Variants in BARD1 observed in about 807,000 individuals in gnomAD.
BARD1 encodes the protein BRCA1 associated RING domain 1.
A neutral mutation model predicts 77.0 loss-of-function variants in BARD1; 73 were observed. The observed-to-expected ratio is 0.95, with a 90% CI of 0.79 to 1.15. BARD1 has a LOEUF of 1.15. Ranked by LOEUF, BARD1 falls within the 50% of genes most tolerant of loss-of-function variation. The pLI, the probability that BARD1 is intolerant of heterozygous loss-of-function variation, is 0.00. For missense variants in BARD1, 993 were observed against 938.8 expected (o/e 1.06, Z -0.75); for synonymous variants, 384 against 338.0 (o/e 1.14, Z -1.49).
chr2:214,729,214 A>G (rs990354027), intron 10 of BARD1, among the ~76,000 whole-genome samples: 5 of 152,238 alleles, frequency 3.3e-5, no homozygotes, highest in Non-Finnish European at 5.9e-5. Context: ...TCAAGCCTAA[A>G]CACAAAATTC....
At chr2:214,733,364 T>A (rs1692440085) in intron 9 of BARD1, among the ~76,000 whole-genome samples, 1 of 152,238 alleles carries the variant, frequency 6.6e-6, no homozygotes, top group Admixed American at 6.5e-5. Context: ...ATACGCTTTA[T>A]ACAGATAAAG....
intron 1 of BARD1, among the ~76,000 whole-genome samples, chr2:214,806,247 C>CA (rs1696263166): frequency 6.6e-6 from 1 of 152,206 alleles, no homozygotes; most frequent in Admixed American, 6.5e-5. Context: ...ATGTGCAACA[C>CA]AAGGCAGATG....
chr2:214,761,631 T>A (rs1175132448), intron 6 of BARD1, among the ~76,000 whole-genome samples: 2 of 151,936 alleles, frequency 1.3e-5, no homozygotes, highest in Middle Eastern at 3.2e-3. Context: ...TGAGACCCTA[T>A]CTCAAAAACA....
At chr2:214,731,516 T>C (rs1440701142) in intron 9 of BARD1, among the ~76,000 whole-genome samples, 4 of 152,246 alleles carry the variant, frequency 2.6e-5, no homozygotes, top group Admixed American at 6.5e-5. Context: ...GTTGAAGGAC[T>C]TGGCTATCCC....
chr2:214,745,573 G>GC, intron 8 of BARD1, 149 bp downstream of exon 8: 1 of 958,842 alleles, frequency 1.0e-6, no homozygotes, highest in Non-Finnish European at 1.6e-6. Flanking sequence ...GTTTATTACT[G>GC]AAAAAAAATT....
chr2:214,778,986 T>C (rs1223350613), intron 4 of BARD1, among the ~76,000 whole-genome samples: 2 of 152,212 alleles, frequency 1.3e-5, no homozygotes, highest in Non-Finnish European at 2.9e-5. Context: ...TAGCTACTTA[T>C]GTCTATAACT....
At chr2:214,782,518 A>G (rs890845204) in intron 3 of BARD1, among the ~76,000 whole-genome samples, 1 of 151,824 alleles carries the variant, frequency 6.6e-6, no homozygotes, top group Non-Finnish European at 1.5e-5. Flanking sequence ...TGAAAAATAT[A>G]GATTTATAAT....
chr2:214,736,585 GTTTA>G (rs148587570), intron 9 of BARD1, among the ~76,000 whole-genome samples: 230 of 152,184 alleles, frequency 1.5e-3, no homozygotes, highest in African/African-American at 5.3e-3. Flanking sequence ...CATTTTATGG[GTTTA>G]TTTGACTGAT....
At chr2:214,733,282 T>A (rs1692436279) in intron 9 of BARD1, among the ~76,000 whole-genome samples, 1 of 152,208 alleles carries the variant, frequency 6.6e-6, no homozygotes, top group Non-Finnish European at 1.5e-5. Context: ...TTTGGAATAT[T>A]TGCACGTACA....
chr2:214,790,058 G>C (rs1273961576), intron 3 of BARD1, among the ~76,000 whole-genome samples: 1 of 151,918 alleles, frequency 6.6e-6, no homozygotes, highest in East Asian at 1.9e-4. Context: ...GAAATATGAA[G>C]AAAGCATTTC....
intron 6 of BARD1, among the ~76,000 whole-genome samples, chr2:214,765,639 A>G (rs1344572300): frequency 6.6e-6 from 1 of 152,150 alleles, no homozygotes; most frequent in Non-Finnish European, 1.5e-5. Context: ...GACCCAAGCA[A>G]TAATTTGCGT....
intron 6 of BARD1, among the ~76,000 whole-genome samples, chr2:214,759,676 T>C (rs987040296): frequency 2.0e-5 from 3 of 152,140 alleles, no homozygotes; most frequent in Non-Finnish European, 4.4e-5. Flanking sequence ...TATATGACTT[T>C]CCACTGTACA....
intron 9 of BARD1, among the ~76,000 whole-genome samples, chr2:214,743,592 A>AT (rs57767382): frequency 0.49 from 73,759 of 150,982 alleles, 18,139 homozygotes; most frequent in East Asian, 0.56. Context: ...CTAGTTATTT[A>AT]TTTTTTTTTG....
At chr2:214,736,111 T>C (rs1385120391) in intron 9 of BARD1, among the ~76,000 whole-genome samples, 3 of 152,046 alleles carry the variant, frequency 2.0e-5, no homozygotes, top group Non-Finnish European at 4.4e-5. Flanking sequence ...AAAATTATAC[T>C]CTAAAAAAGG....
intron 1 of BARD1, among the ~76,000 whole-genome samples, chr2:214,803,538 C>T (rs141516391): frequency 6.6e-6 from 1 of 152,216 alleles, no homozygotes; most frequent in African/African-American, 2.4e-5. Flanking sequence ...GTATGCATAT[C>T]TAAAAGCACA....
chr2:214,749,526 C>CA (rs1215908516), intron 7 of BARD1, among the ~76,000 whole-genome samples: 2 of 152,114 alleles, frequency 1.3e-5, no homozygotes, highest in African/African-American at 2.4e-5. Flanking sequence ...AAAGGCACTG[C>CA]CACCCCCAGA....
intron 6 of BARD1, among the ~76,000 whole-genome samples, chr2:214,756,320 T>TA (rs1559398605): frequency 6.6e-6 from 1 of 151,930 alleles, no homozygotes; most frequent in South Asian, 2.1e-4. Context: ...AATTAAAAAA[T>TA]AAAAAAATAA....
intron 1 of BARD1, among the ~76,000 whole-genome samples, chr2:214,808,268 G>C (rs2106167326): frequency 1.3e-5 from 2 of 152,322 alleles, no homozygotes; most frequent in South Asian, 4.1e-4. Flanking sequence ...AATTAGCCGG[G>C]CATGATGGCG....
Position 214,728,446 on chromosome 2 carries a change from A to C in BARD1, c.*230T>G, listed in dbSNP as rs1692176737. On this transcript the variant is annotated 3_prime_UTR_variant, in exon 11 of 11. Transcript: ENST00000260947. ...CTGAATAGAAAGACATGATAAATCA[A>C]AAACATGCCAATTTTAAAAAGAAAA... The C allele has an allele frequency of 1.8e-6, 1 of 547,688 alleles. No homozygotes were observed. The highest frequency in any genetic ancestry group is 3.2e-6 in the Non-Finnish European group (1 of 309,078). 33.9% of individuals were successfully genotyped at this position (547,688 alleles called of 1,614,324 possible).
Sources: gnomAD v4.1 joint callset for allele counts (sites outside exome capture counted in the v4.1 genomes callset) on GRCh38, gnomAD v4.1.1 for gene constraint, MANE v1.5 for transcripts, NCBI Gene and HGNC (gene_info 2026-07-23, HGNC 2026-07-21) for gene names.